NELL1: variants seen among roughly 807,000 people sequenced by gnomAD.
NELL1 encodes protein kinase C-binding protein NELL1.
In NELL1, 76 loss-of-function variants were observed where a neutral mutation model predicts 107.4. The ratio of observed to expected loss-of-function variants is 0.71; its 90% CI spans 0.59 to 0.86. NELL1 has a LOEUF of 0.86. Ranked by LOEUF, NELL1 falls within the 40% of genes least tolerant of loss-of-function variation. NELL1 has a pLI of 0.00. For missense variants in NELL1, 1,024 were observed against 1,005.5 expected, an observed-to-expected ratio of 1.02 and a Z score of -0.25; for synonymous variants, 353 against 341.2, an observed-to-expected ratio of 1.03 and a Z score of -0.38.
chr11:20,972,405 T>C (rs1020067106), intron 12 of NELL1, among the ~76,000 whole-genome samples: 2 of 151,998 alleles, frequency 1.3e-5, no homozygotes, highest in African/African-American at 4.8e-5. Context: ...GCAGGAAAGA[T>C]ACCAGTCAAG....
At chr11:21,285,253 T>C (rs1459599572) in intron 14 of NELL1, among the ~76,000 whole-genome samples, 1 of 152,246 alleles carries the variant, frequency 6.6e-6, no homozygotes, top group Non-Finnish European at 1.5e-5. Flanking sequence ...TACGATATTA[T>C]ATACTGAATA....
intron 14 of NELL1, among the ~76,000 whole-genome samples, chr11:21,233,509 A>C (rs1858119642): frequency 6.6e-6 from 1 of 152,206 alleles, no homozygotes; most frequent in Admixed American, 6.5e-5. Context: ...CTAAAGAGAA[A>C]ATAGAAAGGG....
chr11:20,918,537 G>A (rs965298123), intron 6 of NELL1, among the ~76,000 whole-genome samples: 2 of 151,950 alleles, frequency 1.3e-5, no homozygotes, highest in Non-Finnish European at 2.9e-5. Context: ...CCACATGGAT[G>A]GGGAGGCCTC....
intron 13 of NELL1, among the ~76,000 whole-genome samples, chr11:21,214,238 T>C (rs1590739987): frequency 1.3e-5 from 2 of 152,304 alleles, no homozygotes; most frequent in South Asian, 4.1e-4. Context: ...GGAGCATACT[T>C]TGACAATCGT....
chr11:20,833,865 T>C (rs1456414791), intron 3 of NELL1, among the ~76,000 whole-genome samples: 2 of 152,034 alleles, frequency 1.3e-5, no homozygotes, highest in African/African-American at 4.8e-5. Context: ...AGAACGTTGG[T>C]GTGTAGAGGG....
chr11:21,360,153 C>T (rs181698010), intron 14 of NELL1, among the ~76,000 whole-genome samples: 8 of 152,034 alleles, frequency 5.3e-5, no homozygotes, highest in African/African-American at 1.9e-4. Flanking sequence ...CTTAGCATTG[C>T]TTTTGCTGTA....
At chr11:21,145,807 C>A (rs1018566447) in intron 13 of NELL1, among the ~76,000 whole-genome samples, 1 of 152,104 alleles carries the variant, frequency 6.6e-6, no homozygotes, top group African/African-American at 2.4e-5. Flanking sequence ...AGGAGTAGCA[C>A]GTGTGTTAAT....
Position 20,676,411 on chromosome 11 carries a change from T to C in NELL1, c.56-1521T>C, listed in dbSNP as rs57071353. 6.2e-3 allele frequency among the ~76,000 whole-genome samples: 941 copies of C among 152,154 alleles called. 8 individuals carry two copies. Among genetic ancestry groups the C allele is most frequent in the African/African-American group, 0.021 (888 of 41,476 alleles). On this transcript the variant is annotated intron_variant, in intron 1 of 19. Transcript: ENST00000357134. ...TGTGTGCTATATAGTAAGCACTCAG[T>C]AATACCTGTTGAAAAAATTATGAAA...
intron 14 of NELL1, among the ~76,000 whole-genome samples, chr11:21,334,166 T>A (rs1850333361): frequency 6.6e-6 from 1 of 151,956 alleles, no homozygotes. Context: ...TGTAGAAGAA[T>A]AGACAAACAT....
At chr11:21,048,266 A>G (rs1020460769) in intron 12 of NELL1, among the ~76,000 whole-genome samples, 1 of 151,982 alleles carries the variant, frequency 6.6e-6, no homozygotes, top group Non-Finnish European at 1.5e-5. Flanking sequence ...TTTCCCATTT[A>G]TTGTACACTT....
chr11:21,393,642 G>A (rs556086102), intron 15 of NELL1, among the ~76,000 whole-genome samples: 1 of 151,664 alleles, frequency 6.6e-6, no homozygotes, highest in South Asian at 2.1e-4. Flanking sequence ...GGAAAGCATT[G>A]CTCTAACTCT....
intron 14 of NELL1, among the ~76,000 whole-genome samples, chr11:21,274,186 C>CA (rs1219856140): frequency 6.6e-6 from 1 of 151,710 alleles, no homozygotes; most frequent in Non-Finnish European, 1.5e-5. Flanking sequence ...CACATAGGCT[C>CA]AAAATAAAAG....
At position 20,783,715 on chromosome 11, in the gene NELL1, A is replaced by G. The variant is rs758215793; in HGVS notation, c.220A>G (p.Ser74Gly). Residue 74 changes from serine to glycine, a missense_variant, in exon 3 of 20, where the codon AGT (serine) becomes GGT (glycine). By Grantham distance (56) the Ser-to-Gly change is moderately conservative. Transcript: ENST00000357134. ...AGAGATCCATGCAGCTCCTCATGTG[A>G]GTGAGAAATTAATTCAGCTGTTCCG... ...EREIHAAPHV[S>G]EKLIQLFRNK... 13 of 1,613,802 alleles carry G rather than the reference A, an allele frequency of 8.1e-6. No individual in the cohort carries two copies. In the East Asian group the frequency reaches 2.7e-4, roughly 33 times the overall value.
intron 4 of NELL1, among the ~76,000 whole-genome samples, chr11:20,854,031 A>C (rs551455118): frequency 6.6e-6 from 1 of 152,264 alleles, no homozygotes; most frequent in African/African-American, 2.4e-5. Context: ...CCCACCACTC[A>C]TGAGGCAAAA....
intron 14 of NELL1, among the ~76,000 whole-genome samples, chr11:21,248,507 A>C (rs1858553019): frequency 6.6e-6 from 1 of 152,156 alleles, no homozygotes; most frequent in Non-Finnish European, 1.5e-5. Context: ...CACTGTTTAG[A>C]TTAGTCTCAG....
intron 4 of NELL1, among the ~76,000 whole-genome samples, chr11:20,858,445 T>C (rs1848920964): frequency 6.6e-6 from 1 of 152,214 alleles, no homozygotes; most frequent in South Asian, 2.1e-4. Context: ...ATACCTATGG[T>C]AATCTGCACC....
chr11:20,832,383 AC>A (rs1344211581), intron 3 of NELL1, among the ~76,000 whole-genome samples: 1 of 152,166 alleles, frequency 6.6e-6, no homozygotes, highest in Non-Finnish European at 1.5e-5. Flanking sequence ...TTTCAATTTT[AC>A]ATTTATTAGT....
intron 2 of NELL1, among the ~76,000 whole-genome samples, chr11:20,709,952 G>A (rs1249906892): frequency 3.9e-5 from 6 of 152,100 alleles, no homozygotes; most frequent in Non-Finnish European, 8.8e-5. Flanking sequence ...CTTTTTGGAT[G>A]AGTATTTAGG....
chr11:20,876,590 C>T (rs1032613699), intron 4 of NELL1, among the ~76,000 whole-genome samples: 4 of 152,186 alleles, frequency 2.6e-5, no homozygotes, highest in Middle Eastern at 3.4e-3. Context: ...CGGTGAAACC[C>T]GGTCTCTACT....
Sources: allele counts gnomAD v4.1 joint callset (sites outside exome capture counted in the v4.1 genomes callset), GRCh38; gene constraint gnomAD v4.1.1; transcripts MANE v1.5; gene names NCBI Gene and HGNC (gene_info 2026-07-23, HGNC 2026-07-21).